Variants in DPP6 observed in about 807,000 individuals in gnomAD.
The protein encoded by DPP6 is dipeptidyl peptidase like 6, also known as A-type potassium channel modulatory protein DPP6.
A neutral mutation model predicts 122.6 loss-of-function variants in DPP6; 69 were observed. The observed-to-expected ratio is 0.56, with a 90% CI of 0.46 to 0.69. DPP6 has a LOEUF of 0.69. Ranked by LOEUF, DPP6 falls within the 30% of genes least tolerant of loss-of-function variation. The probability of loss-of-function intolerance (pLI) is 0.00; values close to 1 mark genes in which losing one functional copy is unlikely to be tolerated. For missense variants in DPP6, 928 were observed against 1,116.9 expected (o/e 0.83, Z 2.41); for synonymous variants, 418 against 433.1 (o/e 0.97, Z 0.43).
At chr7:154,674,644 A>G (rs985824739) in intron 7 of DPP6, among the ~76,000 whole-genome samples, 2 of 152,240 alleles carry the variant, frequency 1.3e-5, no homozygotes, top group Non-Finnish European at 2.9e-5. Context: ...TGATAGTGAT[A>G]AATGAAGAGC....
chr7:153,887,519 G>T, exon 1 of DPP6: 1 of 684,342 alleles, frequency 1.5e-6, no homozygotes, highest in East Asian at 2.7e-5. Flanking sequence ...ACACGGGCAG[G>T]GGTGCGCGGA....
intron 1 of DPP6, among the ~76,000 whole-genome samples, chr7:154,406,253 C>T (rs142335422): frequency 1.1e-4 from 16 of 152,218 alleles, no homozygotes; most frequent in Admixed American, 3.3e-4. Flanking sequence ...GCTTTTCATA[C>T]GGTTTTCAAA....
At chr7:153,834,776 A>AATG in the DPP6 span, among the ~76,000 whole-genome samples, 2 of 151,686 alleles carry the variant, frequency 1.3e-5, no homozygotes, top group African/African-American at 2.4e-5. Context: ...GGGCAAGGAG[A>AATG]ATGTGTCTTT....
intron 8 of DPP6, among the ~76,000 whole-genome samples, chr7:154,737,628 A>C (rs1292504084): frequency 6.6e-6 from 1 of 152,170 alleles, no homozygotes; most frequent in East Asian, 1.9e-4. Context: ...TCTGTGGACA[A>C]ACAACCAGTA....
intron 4 of DPP6, among the ~76,000 whole-genome samples, chr7:154,544,191 A>G (rs1426523500): frequency 2.7e-5 from 4 of 149,028 alleles, no homozygotes; most frequent in Non-Finnish European, 5.9e-5. Context: ...CCTGATCCTT[A>G]TTATTTGATA....
At chr7:154,012,547 A>C (rs1228027014) in intron 1 of DPP6, among the ~76,000 whole-genome samples, 3 of 152,180 alleles carry the variant, frequency 2.0e-5, no homozygotes, top group Non-Finnish European at 4.4e-5. Context: ...ATGGGAGAAC[A>C]CTTTTGCAAA....
chr7:154,554,986 GAATA>G (rs2130415032), intron 4 of DPP6, among the ~76,000 whole-genome samples: 1 of 152,134 alleles, frequency 6.6e-6, no homozygotes, highest in South Asian at 2.1e-4. Flanking sequence ...GCTAATGTAA[GAATA>G]AATAATTGCT....
rs926760291 is a variant in DPP6 at position 154,877,963 on chromosome 7, G to A, written c.2078+1863G>A. ...AGAGGACTCCCAGGACACGGAAGCC[G>A]GCCCAGGCTGCGCTCTGGAGTGGAG... On this transcript the variant is annotated intron_variant, in intron 20 of 25. Transcript: ENST00000377770. The surrounding 1 kb of genome is among the most constrained non-coding windows in gnomAD (Gnocchi z 5.2). 2.1e-4 allele frequency among the ~76,000 whole-genome samples: 32 copies of A among 152,196 alleles called. No individual in the cohort carries two copies. The highest frequency in any genetic ancestry group is 1.9e-4 in the East Asian group (1 of 5,180).
At chr7:154,313,712 T>TGC (rs71965945) in intron 1 of DPP6, among the ~76,000 whole-genome samples, 1,360 of 24,918 alleles carry the variant, frequency 0.055, 407 homozygotes, top group East Asian at 0.46. Flanking sequence ...TATATATATA[T>TGC]ATACACACAC....
intron 1 of DPP6, among the ~76,000 whole-genome samples, chr7:154,300,967 T>C (rs1424804689): frequency 6.6e-6 from 1 of 152,184 alleles, no homozygotes; most frequent in Non-Finnish European, 1.5e-5. Context: ...CTGATGTCCT[T>C]ATAAGAAGAG....
At chr7:154,522,714 C>T (rs555116099) in intron 3 of DPP6, among the ~76,000 whole-genome samples, 2 of 151,930 alleles carry the variant, frequency 1.3e-5, no homozygotes, top group Admixed American at 6.6e-5. Context: ...AAAATTGGAA[C>T]TCTGTCTCCT....
upstream of DPP6, among the ~76,000 whole-genome samples, chr7:154,052,095 C>T (rs891493891): frequency 6.7e-5 from 8 of 119,414 alleles, no homozygotes; most frequent in Non-Finnish European, 9.6e-5. This position sits in a 1 kb window ranked among gnomAD's most constrained non-coding sequence, Gnocchi z 4.8. Flanking sequence ...CCCCTTGCAC[C>T]GTCCGCTCGC....
chr7:154,633,600 T>G (rs1203010414), intron 5 of DPP6, among the ~76,000 whole-genome samples: 1 of 152,224 alleles, frequency 6.6e-6, no homozygotes, highest in African/African-American at 2.4e-5. Flanking sequence ...AGAAAAAGAC[T>G]TTATCTCTCT....
chr7:154,062,018 G>C (rs866570677), intron 1 of DPP6, among the ~76,000 whole-genome samples: 7 of 98,060 alleles, frequency 7.1e-5, no homozygotes, highest in East Asian at 6.1e-4. Flanking sequence ...CATCGCAGGG[G>C]GGGGGAGGCA....
chr7:154,575,785 GGTGT>G (rs1277677625), intron 5 of DPP6, among the ~76,000 whole-genome samples: 1 of 150,804 alleles, frequency 6.6e-6, no homozygotes, highest in African/African-American at 2.4e-5. Context: ...ATGTATGTGT[GGTGT>G]GTGTATCTGT....
the DPP6 span, among the ~76,000 whole-genome samples, chr7:153,848,080 TCGGGCGGATAGGGGAC>T: frequency 6.6e-6 from 1 of 152,140 alleles, no homozygotes; most frequent in African/African-American, 2.4e-5. Context: ...TTTTGCCTGG[TCGGGCGGATAGGGGAC>T]CGGGCCACTC....
chr7:153,822,350 C>G, the DPP6 span, among the ~76,000 whole-genome samples: 9 of 151,968 alleles, frequency 5.9e-5, no homozygotes, highest in Non-Finnish European at 1.0e-4. Flanking sequence ...CCACCACGCC[C>G]AGCTAATTTT....
intron 1 of DPP6, among the ~76,000 whole-genome samples, chr7:153,964,507 G>T (rs183251009): frequency 7.9e-5 from 12 of 152,148 alleles, no homozygotes; most frequent in Non-Finnish European, 1.5e-4. Flanking sequence ...TGGGATGCCA[G>T]TGTTTCCACC....
intron 1 of DPP6, among the ~76,000 whole-genome samples, chr7:154,142,672 T>C (rs1795906538): frequency 6.6e-6 from 1 of 152,208 alleles, no homozygotes; most frequent in Non-Finnish European, 1.5e-5. Context: ...ATTATTCTTT[T>C]AGCTCTGCCT....
Sources: gnomAD v4.1 joint callset for allele counts (sites outside exome capture counted in the v4.1 genomes callset) on GRCh38, gnomAD v4.1.1 for gene constraint, Gnocchi (gnomAD v3.1) non-coding constraint, MANE v1.5 for transcripts, NCBI Gene and HGNC (gene_info 2026-07-23, HGNC 2026-07-21) for gene names.